TRHDE: variants seen among roughly 807,000 people sequenced by gnomAD.
TRHDE encodes the protein thyrotropin-releasing hormone-degrading ectoenzyme.
In TRHDE, 72 loss-of-function variants were observed where a neutral mutation model predicts 125.7. The observed-to-expected ratio is 0.57, with a 90% CI of 0.47 to 0.70. The LOEUF is 0.70. Among genes scored for constraint, TRHDE ranks in the 30% least tolerant of loss-of-function variants. The probability of loss-of-function intolerance (pLI) is 0.00; values close to 1 mark genes in which losing one functional copy is unlikely to be tolerated. For synonymous variants in TRHDE, 509 were observed against 509.1 expected (o/e 1.00, Z 0.00); for missense variants, 1,110 against 1,327.1 (o/e 0.84, Z 2.54).
chr12:72,579,021 G>T, intron 12 of TRHDE, among the ~76,000 whole-genome samples: 1 of 137,776 alleles, frequency 7.3e-6, no homozygotes, highest in South Asian at 2.2e-4. Context: ...TCTATTCTCT[G>T]ACTCATTTAT....
chr12:72,571,971 G>A (rs1411070783), intron 10 of TRHDE, among the ~76,000 whole-genome samples: 1 of 35,232 alleles, frequency 2.8e-5, no homozygotes, highest in East Asian at 1.0e-3. Flanking sequence ...CCCTGACTCT[G>A]CAAACACACA....
chr12:72,320,182 G>A (rs894623865), intron 2 of TRHDE, among the ~76,000 whole-genome samples: 2 of 151,856 alleles, frequency 1.3e-5, no homozygotes, highest in African/African-American at 4.8e-5. Flanking sequence ...ACACATAGAG[G>A]CATGTACATA....
intron 12 of TRHDE, among the ~76,000 whole-genome samples, chr12:72,588,073 G>C (rs990771633): frequency 6.6e-6 from 1 of 151,952 alleles, no homozygotes; most frequent in East Asian, 1.9e-4. Context: ...CATCTTTCAC[G>C]GACAAAATAA....
intron 6 of TRHDE, among the ~76,000 whole-genome samples, chr12:72,508,139 A>C (rs769619235): frequency 1.1e-4 from 17 of 152,234 alleles, no homozygotes; most frequent in Non-Finnish European, 2.2e-4. Context: ...GAGAATCTCT[A>C]CTAGGGCAGT....
chr12:72,646,527 CA>C (rs1345491941), intron 15 of TRHDE, among the ~76,000 whole-genome samples: 3 of 151,540 alleles, frequency 2.0e-5, no homozygotes, highest in African/African-American at 7.3e-5. Context: ...ACTTCCCAAT[CA>C]AAAAAAAGTG....
chr12:72,474,187 T>C (rs916583677), intron 5 of TRHDE, among the ~76,000 whole-genome samples: 1 of 152,106 alleles, frequency 6.6e-6, no homozygotes, highest in Non-Finnish European at 1.5e-5. Context: ...TGTACATTCA[T>C]AAAACAAATG....
At chr12:72,306,791 T>G (rs1868347973) in intron 2 of TRHDE, 1 of 152,132 alleles carries the variant, frequency 6.6e-6, no homozygotes, top group South Asian at 2.1e-4. Flanking sequence ...AAAATGGTGA[T>G]ATATGCCAAG....
chr12:72,212,145 TC>T (rs1405712959), intron 2 of TRHDE, among the ~76,000 whole-genome samples: 20 of 152,274 alleles, frequency 1.3e-4, no homozygotes, highest in African/African-American at 4.8e-4. Context: ...TTATTTTTTT[TC>T]ATGTACATAT....
intron 2 of TRHDE, among the ~76,000 whole-genome samples, chr12:72,241,047 T>C (rs1878468555): frequency 6.6e-6 from 1 of 152,162 alleles, no homozygotes; most frequent in African/African-American, 2.4e-5. Flanking sequence ...CGTGTATTAT[T>C]CATTCCTCTC....
At chr12:72,570,773 T>C (rs1870687400) in intron 10 of TRHDE, among the ~76,000 whole-genome samples, 1 of 152,152 alleles carries the variant, frequency 6.6e-6, no homozygotes, top group African/African-American at 2.4e-5. Context: ...AATATACAGC[T>C]GCAGCGTTTG....
chr12:72,194,537 C>T (rs960012965), intron 2 of TRHDE, among the ~76,000 whole-genome samples: 1 of 152,204 alleles, frequency 6.6e-6, no homozygotes, highest in Middle Eastern at 3.4e-3. Context: ...TCTTTCCCCC[C>T]TCCTTTCCCC....
intron 2 of TRHDE, among the ~76,000 whole-genome samples, chr12:72,192,126 ACTT>A (rs1260780161): frequency 6.6e-6 from 1 of 152,068 alleles, no homozygotes; most frequent in Non-Finnish European, 1.5e-5. Flanking sequence ...CTTTTGTAAA[ACTT>A]CTTAGTGATT....
At chr12:72,534,857 A>G (rs1313964769) in intron 6 of TRHDE, among the ~76,000 whole-genome samples, 1 of 152,130 alleles carries the variant, frequency 6.6e-6, no homozygotes, top group Non-Finnish European at 1.5e-5. Context: ...ATAAATAAGC[A>G]TGATTAAAAC....
intron 12 of TRHDE, chr12:72,611,223 T>C: frequency 5.1e-6 from 1 of 195,076 alleles, no homozygotes; most frequent in South Asian, 1.2e-4. Flanking sequence ...TCTTCAGTGT[T>C]ATCACCAGAG....
chr12:72,099,377 G>C (rs1215898452), intron 1 of TRHDE, among the ~76,000 whole-genome samples: 2 of 152,106 alleles, frequency 1.3e-5, no homozygotes, highest in African/African-American at 4.8e-5. Flanking sequence ...TTGTTATATT[G>C]CAGAGGGTAA....
chr12:72,593,637 G>T (rs1871790024), intron 12 of TRHDE, among the ~76,000 whole-genome samples: 1 of 151,974 alleles, frequency 6.6e-6, no homozygotes, highest in Non-Finnish European at 1.5e-5. Flanking sequence ...TTTACATTAG[G>T]TATATCTCCT....
chr12:72,262,132 C>T lies in TRHDE; in HGVS notation n.280-115863C>T, dbSNP rs1348832873. ...AAGGCTGGTGAAATGAGACTGAGGT[C>T]AAGACTACAATTCGTTCTCTTGTTT... On this transcript the variant is annotated intron_variant and non_coding_transcript_variant, in intron 2 of 4. Transcript: ENST00000548156. Among the ~76,000 whole-genome samples the T allele has an allele frequency of 2.0e-5, 3 of 152,130 alleles. No homozygotes were observed. The East Asian group carries it at 5.8e-4, about 29-fold the overall frequency.
intron 2 of TRHDE, among the ~76,000 whole-genome samples, chr12:72,339,133 TCCA>T (rs1869964535): frequency 1.3e-5 from 2 of 152,192 alleles, no homozygotes; most frequent in South Asian, 4.1e-4. Context: ...TATGTAAAAG[TCCA>T]CCTTCTTCAC....
intron 2 of TRHDE, among the ~76,000 whole-genome samples, chr12:72,153,260 A>T (rs1876414852): frequency 1.3e-5 from 2 of 151,884 alleles, no homozygotes; most frequent in Admixed American, 6.5e-5. Context: ...TATCATTTTT[A>T]ATTGCGCCTA....
Sources: gnomAD v4.1 joint callset for allele counts (sites outside exome capture counted in the v4.1 genomes callset) on GRCh38, gnomAD v4.1.1 for gene constraint, MANE v1.5 for transcripts, NCBI Gene and HGNC (gene_info 2026-07-23, HGNC 2026-07-21) for gene names.